The following DNAH2 variants were observed in gnomAD, a reference collection of about 807,000 sequenced individuals.
DNAH2 encodes dynein axonemal heavy chain 2.
A neutral mutation model predicts 523.5 loss-of-function variants in DNAH2; 323 were observed. The ratio of observed to expected loss-of-function variants is 0.62; its 90% CI spans 0.56 to 0.68. The LOEUF is 0.68. Ranked by LOEUF, DNAH2 falls within the 30% of genes least tolerant of loss-of-function variation. The pLI is 0.00. For synonymous variants in DNAH2, 2,093 were observed against 2,177.4 expected (o/e 0.96, Z 1.08); for missense variants, 4,907 against 5,701.5 (o/e 0.86, Z 4.49).
Position 7,733,221 on chromosome 17 carries a change from C to T in DNAH2, c.534C>T (p.Val178=), listed in dbSNP as rs1228593663. 2 of 1,614,218 alleles carry T rather than the reference C, an allele frequency of 1.2e-6. No individual in the cohort carries two copies. Among genetic ancestry groups the T allele is most frequent in the South Asian group, 1.1e-5 (1 of 91,088 alleles). ...CCCTGCTTCGGCTGCTCGGTGGAGT[C>T]TTTGCCCCTCAGATCTTTGCAAACA... ...IPALLRLLGG[V]FAPQIFANTG... The change falls in exon 5 of 86, where the codon GTC becomes GTT. Residue 178 remains valine (V), a synonymous_variant. Transcript: ENST00000572933.
At position 7,805,264 on chromosome 17, in the gene DNAH2, C is replaced by T. The variant is rs778430436; in HGVS notation, c.9313C>T (p.Leu3105=). 6.8e-6 allele frequency: 11 copies of T among 1,614,078 alleles called. No individual in the cohort carries two copies. Among genetic ancestry groups the T allele is most frequent in the Non-Finnish European group, 4.2e-6 (5 of 1,180,046 alleles). ...LEEAMRALES[L]NKKDIGEIKS... is the part of the protein sequence containing the mutation. ...CCTTTTCCCCCAGGCCCTGGAGTCT[C>T]TGAACAAGAAGGATATAGGAGAGAT... The change falls in exon 61 of 86, where the codon CTG becomes TTG. Residue 3105 remains leucine, a synonymous_variant. Coordinates refer to ENST00000572933, the MANE Select transcript of DNAH2 (RefSeq NM_020877.5).
At chr17:7,785,192 C>T (rs1167372250) in intron 39 of DNAH2, among the ~76,000 whole-genome samples, 1 of 151,774 alleles carries the variant, frequency 6.6e-6, no homozygotes, top group Non-Finnish European at 1.5e-5. Flanking sequence ...ACCTCCGCCT[C>T]CCAGGTTCAA....
chr17:7,746,867 A>G (rs984353683), intron 12 of DNAH2, among the ~76,000 whole-genome samples: 3 of 152,042 alleles, frequency 2.0e-5, no homozygotes, highest in Non-Finnish European at 4.4e-5. Flanking sequence ...TGCGCCTGTA[A>G]TCCCAGCTAC....
Position 7,824,257 on chromosome 17 carries a change from G to A in DNAH2, c.11615G>A (p.Gly3872Asp). The change falls in exon 76 of 86, where the codon GGC (glycine) becomes GAC (aspartate). Residue 3872 changes from glycine to aspartate, a missense_variant. Transcript: ENST00000572933. ...QRFHALSLGQGQAPIAARLLR... is the reference protein window; with the variant it reads ...QRFHALSLGQDQAPIAARLLR... Reference sequence around the variant, plus strand: ...TTCCACGCCCTGTCCCTGGGCCAGGGCCAGGCCCCCATCGCTGCTCGGCTC... The same window carrying A: ...TTCCACGCCCTGTCCCTGGGCCAGGACCAGGCCCCCATCGCTGCTCGGCTC... The A allele has an allele frequency of 6.4e-7, 1 of 1,568,740 alleles. No individual in the cohort carries two copies. The highest frequency in any genetic ancestry group is 2.0e-5 in the Admixed American group (1 of 49,768).
chr17:7,814,105 T>G (rs1349891974), intron 63 of DNAH2, among the ~76,000 whole-genome samples: 1 of 149,186 alleles, frequency 6.7e-6, no homozygotes, highest in Non-Finnish European at 1.5e-5. Flanking sequence ...GGCTCAGGAA[T>G]GGCAGGAAGA....
At chr17:7,758,765 T>G in intron 14 of DNAH2, 114 bp downstream of exon 14, 4 of 1,557,852 alleles carry the variant, frequency 2.6e-6, no homozygotes, top group Non-Finnish European at 3.5e-6. Context: ...TTAAGTTTGC[T>G]TGGGGAAGGA....
In DNAH2 at chr17:7,770,736, G is replaced by A. The variant is rs2076292891; in HGVS notation, c.4182-17G>A. On this transcript the variant is annotated splice_polypyrimidine_tract_variant and intron_variant, in intron 26 of 85. Transcript: ENST00000572933. The stretch of plus-strand genomic sequence containing the variant: ...GCAGGTGGGGATGAACTATGATTTT[G>A]ACCCCTTGTGTCTCAGAGGTACAGA... The A allele has an allele frequency of 6.2e-7, 1 of 1,613,918 alleles. No homozygotes were observed. Among genetic ancestry groups the A allele is most frequent in the African/African-American group, 1.3e-5 (1 of 74,896 alleles).
intron 51 of DNAH2, 53 bp downstream of exon 51, chr17:7,797,314 C>T: frequency 6.2e-7 from 1 of 1,613,414 alleles, no homozygotes; most frequent in Non-Finnish European, 8.5e-7. Flanking sequence ...TTGCTCCCAC[C>T]CCTACTTTGT....
chr17:7,743,956 C>T (rs1023538392), intron 12 of DNAH2: 6 of 152,334 alleles, frequency 3.9e-5, no homozygotes, highest in African/African-American at 1.4e-4. Flanking sequence ...ACACAACGGC[C>T]AAGTCCCTGC....
intron 4 of DNAH2, among the ~76,000 whole-genome samples, chr17:7,730,732 C>T (rs148953006): frequency 1.1e-4 from 16 of 152,014 alleles, no homozygotes; most frequent in African/African-American, 3.9e-4. Flanking sequence ...ACCCGGGAGG[C>T]GGAGATTGCA....
chr17:7,737,205 G>A lies in DNAH2; in HGVS notation c.1117G>A (p.Val373Ile). ...KLISLIRIIW[V>I]NSPHYNTRER... ...GATCAGTCTCATCCGCATCATCTGGGTCAACTCTCCCCACTACAACACTCG... is the reference window on the plus strand; with the variant it reads ...GATCAGTCTCATCCGCATCATCTGGATCAACTCTCCCCACTACAACACTCG... Residue 373 changes from valine (V) to isoleucine (I), a missense_variant, in exon 8 of 86, where the codon GTC (valine) becomes ATC (isoleucine). Val to Ile is a conservative substitution (Grantham distance 29). This residue lies in a region of DNAH2 where 2,806 missense variants were observed against 3,190.8 expected (regional missense o/e 0.88). Transcript: ENST00000572933. The A allele has an allele frequency of 6.2e-7, 1 of 1,613,948 alleles. No homozygotes were observed.
In DNAH2 at chr17:7,764,030, A is replaced by AAGTGC. The variant is rs538321530; in HGVS notation, c.3179_3179+4dup. On this transcript the variant is annotated frameshift_variant and splice_region_variant, in exon 19 of 86. Coordinates refer to ENST00000572933, the MANE Select transcript of DNAH2 (RefSeq NM_020877.5). LOFTEE classifies it high-confidence loss of function. ...CACCTACCTGAAGGAGAACGCAGAG[A>AAGTGC]AGTGCGGGCTGGGGCGCCCCACAGG... is the stretch of plus-strand genomic sequence containing the variant. 3,171 of 1,614,194 alleles carry AAGTGC rather than the reference A, an allele frequency of 2.0e-3. 5 individuals are homozygous for AAGTGC. The highest frequency in any genetic ancestry group is 2.5e-3 in the Middle Eastern group (15 of 6,062).
At position 7,760,037 on chromosome 17, in the gene DNAH2, G is replaced by A; in HGVS notation, c.2785+99G>A. 1 of 1,560,362 alleles carries A rather than the reference G, an allele frequency of 6.4e-7. No individual in the cohort carries two copies. The highest frequency in any genetic ancestry group is 8.8e-7 in the Non-Finnish European group (1 of 1,141,106). ...ACCAGGGCTATTTCCAGGCATACTG[G>A]GCCAGTCACCTCCCTGACCTGGGGA... On this transcript the variant is annotated intron_variant, in intron 17 of 85. Transcript: ENST00000572933. The surrounding 1 kb of genome is among the most constrained non-coding windows in gnomAD (Gnocchi z 4.0).
At chr17:7,791,875 C>A (rs551139216) in intron 44 of DNAH2, 42 bp from the exon 45 acceptor site, 4 of 1,585,022 alleles carry the variant, frequency 2.5e-6, no homozygotes, top group African/African-American at 2.7e-5. Context: ...GACCCCTGGT[C>A]TCTTACAGGT....
rs887504792 is a variant in DNAH2 at position 7,807,952 on chromosome 17, G to A, written c.9729+366G>A. 2.0e-5 allele frequency among the ~76,000 whole-genome samples: 3 copies of A among 152,124 alleles called. No individual in the cohort carries two copies. The highest frequency in any genetic ancestry group is 1.9e-4 in the East Asian group (1 of 5,182). On this transcript the variant is annotated intron_variant, in intron 63 of 85. Transcript: ENST00000572933. This position sits in a 1 kb window ranked among gnomAD's most constrained non-coding sequence, Gnocchi z 5.6. ...GGGATGGGTCAAGAGTGTCTGTGTCGCTTCTGTGGACCAAGAACAACGTGA... is the reference window on the plus strand; with the variant it reads ...GGGATGGGTCAAGAGTGTCTGTGTCACTTCTGTGGACCAAGAACAACGTGA...
intron 39 of DNAH2, among the ~76,000 whole-genome samples, chr17:7,783,118 C>T (rs922306840): frequency 3.3e-5 from 5 of 152,094 alleles, no homozygotes; most frequent in African/African-American, 9.7e-5. Flanking sequence ...ACTCTTGTTG[C>T]CCAGGCTGGA....
chr17:7,797,948 G>T, intron 53 of DNAH2, 119 bp downstream of exon 53: 1 of 1,438,188 alleles, frequency 7.0e-7, no homozygotes, highest in Non-Finnish European at 9.3e-7. Context: ...CTTTCTCCCT[G>T]GCCCCAGATG....
chr17:7,800,754 C>G (rs1415360068), intron 56 of DNAH2, among the ~76,000 whole-genome samples: 1 of 150,016 alleles, frequency 6.7e-6, no homozygotes, highest in African/African-American at 2.4e-5. Flanking sequence ...GTAGTCCCAG[C>G]TACTCGGGAG....
intron 47 of DNAH2, 49 bp from the exon 48 acceptor site, chr17:7,792,932 C>T (rs200555740): frequency 5.0e-6 from 8 of 1,601,964 alleles, no homozygotes; most frequent in Admixed American, 3.3e-5. Flanking sequence ...TCTCTAAGCC[C>T]GTATTTCTCT....
Sources: allele counts gnomAD v4.1 joint callset (sites outside exome capture counted in the v4.1 genomes callset), GRCh38; gene constraint gnomAD v4.1.1; regional missense constraint gnomAD v4.1.1; non-coding constraint Gnocchi (gnomAD v3.1); transcripts MANE v1.5; gene names NCBI Gene and HGNC (gene_info 2026-07-23, HGNC 2026-07-21).